SLC15A2: variants seen among roughly 807,000 people sequenced by gnomAD.
The protein encoded by SLC15A2 is solute carrier family 15 member 2, also known as kidney H(+)/peptide cotransporter.
SLC15A2 carries 77 observed loss-of-function variants against 95.5 expected under a neutral mutation model. That is an observed-to-expected ratio of 0.81 (90% CI 0.67 to 0.97). SLC15A2 has a LOEUF of 0.97. SLC15A2 is among the 50% of genes least tolerant of loss of function. SLC15A2 has a pLI of 0.00. For synonymous variants in SLC15A2, 306 were observed against 306.9 expected, an observed-to-expected ratio of 1.00 and a Z score of 0.03; for missense variants, 893 against 874.4, an observed-to-expected ratio of 1.02 and a Z score of -0.27.
intron 7 of SLC15A2, among the ~76,000 whole-genome samples, chr3:121,915,924 C>T (rs1419249203): frequency 6.6e-6 from 1 of 152,034 alleles, no homozygotes; most frequent in Non-Finnish European, 1.5e-5. Context: ...TTCTGGGGAG[C>T]CTTAAAAAGT....
At chr3:121,908,289 C>T (rs933450100) in intron 3 of SLC15A2, among the ~76,000 whole-genome samples, 14 of 152,338 alleles carry the variant, frequency 9.2e-5, no homozygotes, top group African/African-American at 3.1e-4. Context: ...CAGTCTGTCA[C>T]GGCTTCCCTT....
intron 3 of SLC15A2, among the ~76,000 whole-genome samples, chr3:121,902,010 A>G (rs1330937814): frequency 1.3e-5 from 2 of 152,218 alleles, no homozygotes; most frequent in Non-Finnish European, 2.9e-5. Context: ...TTGCTATCCC[A>G]GAATAATAGA....
At chr3:121,926,866 C>A (rs1040756784) in intron 13 of SLC15A2, among the ~76,000 whole-genome samples, 1 of 152,248 alleles carries the variant, frequency 6.6e-6, no homozygotes, top group African/African-American at 2.4e-5. Context: ...CCTTGGGAGC[C>A]CACCCCTTGT....
rs1363485167 is a variant in SLC15A2, at chr3:121,897,420, C to A, written c.226C>A (p.His76Asn). Residue 76 changes from histidine to asparagine, a missense_variant, in exon 3 of 22, where the codon CAC (histidine) becomes AAC (asparagine). His to Asn is a moderately conservative substitution (Grantham distance 68). Coordinates refer to ENST00000489711, the MANE Select transcript of SLC15A2 (RefSeq NM_021082.4). ...GATCCTGTATTTCCTGTATTTCCTG[C>A]ACTGGAATGAAGATACCTCCACATC... Reference protein sequence around the residue: ...VLILYFLYFLHWNEDTSTSIY... With the variant: ...VLILYFLYFLNWNEDTSTSIY... 1 of 1,614,064 alleles carries A rather than the reference C, an allele frequency of 6.2e-7. No individual in the cohort carries two copies. Among genetic ancestry groups the A allele is most frequent in the Admixed American group, 1.7e-5 (1 of 60,020 alleles).
chr3:121,929,217 C>A (rs1710182208), intron 16 of SLC15A2, 71 bp downstream of exon 16: 3 of 1,602,324 alleles, frequency 1.9e-6, no homozygotes, highest in Non-Finnish European at 2.6e-6. Flanking sequence ...CAACATCTTA[C>A]CAAGGATCTG....
chr3:121,908,483 G>A (rs183845380), intron 3 of SLC15A2, among the ~76,000 whole-genome samples: 1 of 152,336 alleles, frequency 6.6e-6, no homozygotes, highest in Non-Finnish European at 1.5e-5. Context: ...GGGAGCTACA[G>A]ACCGGAGTGG....
chr3:121,898,700 A>T (rs961161334), intron 3 of SLC15A2, among the ~76,000 whole-genome samples: 1 of 152,218 alleles, frequency 6.6e-6, no homozygotes, highest in African/African-American at 2.4e-5. Context: ...AAATACGCTA[A>T]TATGAACTAT....
At position 121,928,968 on chromosome 3, in the gene SLC15A2, TC is replaced by T. The variant is rs761937715; in HGVS notation, c.1342-13del. 2.5e-6 allele frequency: 4 copies of T among 1,612,726 alleles called. No homozygotes were observed. In the South Asian group the frequency reaches 4.4e-5, roughly 18 times the overall value. ...GGTGTACGTGACCTTCATTTTATAT[TC>T]TTCATTTTACAGAAAACACCACACT... is the stretch of plus-strand genomic sequence containing the variant. On this transcript the variant is annotated splice_polypyrimidine_tract_variant and intron_variant, in intron 15 of 21. Coordinates refer to ENST00000489711, the MANE Select transcript of SLC15A2 (RefSeq NM_021082.4).
At chr3:121,934,944 A>G (rs1157957601) in intron 19 of SLC15A2, among the ~76,000 whole-genome samples, 3 of 150,332 alleles carry the variant, frequency 2.0e-5, no homozygotes, top group Non-Finnish European at 3.0e-5. Context: ...TCCCATCAAT[A>G]CCTAATTTAT....
intron 5 of SLC15A2, among the ~76,000 whole-genome samples, chr3:121,914,425 A>G (rs1709838677): frequency 6.6e-6 from 1 of 152,336 alleles, no homozygotes; most frequent in African/African-American, 2.4e-5. Flanking sequence ...ATCTGCCTCC[A>G]GGTTTCCACT....
At chr3:121,900,411 C>T (rs894246749) in intron 3 of SLC15A2, among the ~76,000 whole-genome samples, 2 of 152,110 alleles carry the variant, frequency 1.3e-5, no homozygotes, top group East Asian at 3.8e-4. Flanking sequence ...GTTTTTACTG[C>T]TTCCCATCTC....
intron 3 of SLC15A2, among the ~76,000 whole-genome samples, chr3:121,904,470 T>G (rs914990070): frequency 6.6e-6 from 1 of 152,216 alleles, no homozygotes; most frequent in Non-Finnish European, 1.5e-5. Flanking sequence ...CCATTCAGTA[T>G]GATATTGGCT....
In SLC15A2 at chr3:121,913,105, G is replaced by A; in HGVS notation, c.513G>A (p.Gln171=). 6.2e-7 allele frequency: 1 copy of A among 1,613,340 alleles called. No individual in the cohort carries two copies. The highest frequency in any genetic ancestry group is 8.5e-7 in the Non-Finnish European group (1 of 1,179,346). The part of the protein sequence containing the change: ...KPCVAAFGGD[Q]FEEKHAEERT... ...GTGTGGCAGCTTTTGGTGGAGACCAGTTTGAAGAAAAACATGTAAGAATCC... is the reference window on the plus strand; with the variant it reads ...GTGTGGCAGCTTTTGGTGGAGACCAATTTGAAGAAAAACATGTAAGAATCC... Residue 171 remains glutamine, a synonymous_variant, in exon 5 of 22, where the codon CAG becomes CAA. Transcript: ENST00000489711.
chr3:121,901,154 G>A (rs1709512517), intron 3 of SLC15A2, among the ~76,000 whole-genome samples: 1 of 152,034 alleles, frequency 6.6e-6, no homozygotes. Context: ...GAGTATCTGG[G>A]ATTATATGCA....
intron 8 of SLC15A2, 89 bp from the exon 9 acceptor site, chr3:121,922,686 A>G: frequency 2.5e-6 from 2 of 798,158 alleles, no homozygotes; most frequent in Non-Finnish European, 4.1e-6. Context: ...CACTAGAAGT[A>G]TGGTGTTTGA....
intron 13 of SLC15A2, among the ~76,000 whole-genome samples, chr3:121,925,782 A>G (rs1325968330): frequency 2.0e-5 from 1 of 49,282 alleles, no homozygotes; most frequent in Non-Finnish European, 4.1e-5. Flanking sequence ...ATATATATAT[A>G]AAATACAACT....
At chr3:121,914,994 A>T in intron 5 of SLC15A2, 2 of 1,279,710 alleles carry the variant, frequency 1.6e-6, no homozygotes, top group East Asian at 7.1e-5. Flanking sequence ...TTTTTAACCT[A>T]TGAAAAGGGA....
chr3:121,897,007 C>T (rs982739194), intron 2 of SLC15A2, among the ~76,000 whole-genome samples: 1 of 149,206 alleles, frequency 6.7e-6, no homozygotes, highest in African/African-American at 2.5e-5. Flanking sequence ...GCTAAGGGCT[C>T]ATACCTGAGG....
At chr3:121,905,289 CA>C (rs760265237) in intron 3 of SLC15A2, among the ~76,000 whole-genome samples, 3 of 152,054 alleles carry the variant, frequency 2.0e-5, no homozygotes, top group Non-Finnish European at 2.9e-5. Flanking sequence ...GTTGATCTTT[CA>C]AAAAACCAGC....
Sources: allele counts gnomAD v4.1 joint callset (sites outside exome capture counted in the v4.1 genomes callset), GRCh38; gene constraint gnomAD v4.1.1; transcripts MANE v1.5; gene names NCBI Gene and HGNC (gene_info 2026-07-23, HGNC 2026-07-21).